Variants in CLVS1 observed in about 807,000 individuals in gnomAD.
CLVS1 encodes clavesin-1.
A neutral mutation model predicts 33.1 loss-of-function variants in CLVS1; 10 were observed. The ratio of observed to expected loss-of-function variants is 0.30; its 90% CI spans 0.19 to 0.51. CLVS1 has a LOEUF of 0.51. Ranked by LOEUF, CLVS1 falls within the 20% of genes least tolerant of loss-of-function variation. The probability of loss-of-function intolerance (pLI) is 0.97; values close to 1 mark genes in which losing one functional copy is unlikely to be tolerated. For missense variants in CLVS1, 343 were observed against 433.4 expected (o/e 0.79, Z 1.85); for synonymous variants, 163 against 166.1 (o/e 0.98, Z 0.14).
intron 2 of CLVS1, among the ~76,000 whole-genome samples, chr8:61,253,002 T>C (rs1396651184): frequency 6.6e-6 from 1 of 152,240 alleles, no homozygotes; most frequent in Non-Finnish European, 1.5e-5. Context: ...GTTGATGCAG[T>C]TTCTTCCTAG....
intron 2 of CLVS1, among the ~76,000 whole-genome samples, chr8:61,275,619 A>T (rs1809548224): frequency 6.6e-6 from 1 of 152,238 alleles, no homozygotes; most frequent in South Asian, 2.1e-4. Flanking sequence ...AGAATTTGAC[A>T]GAGCTAAGGG....
At chr8:61,255,956 A>AAT (rs1403355573) in intron 2 of CLVS1, among the ~76,000 whole-genome samples, 2 of 152,056 alleles carry the variant, frequency 1.3e-5, no homozygotes, top group Admixed American at 1.3e-4. Context: ...TATATGATAA[A>AAT]ATATATATAT....
At chr8:61,252,423 T>C (rs143245052) in intron 2 of CLVS1, among the ~76,000 whole-genome samples, 1 of 152,320 alleles carries the variant, frequency 6.6e-6, no homozygotes, top group East Asian at 1.9e-4. Flanking sequence ...TCTTCAGATG[T>C]CTATTAGGTC....
intron 1 of CLVS1, among the ~76,000 whole-genome samples, chr8:61,116,999 A>T (rs1359498485): frequency 7.0e-6 from 1 of 142,010 alleles, no homozygotes; most frequent in Non-Finnish European, 1.5e-5. Context: ...CTTCCTACCC[A>T]TGAGCATGGA....
At chr8:61,296,657 T>C (rs549700812) in intron 1 of CLVS1, among the ~76,000 whole-genome samples, 1 of 152,320 alleles carries the variant, frequency 6.6e-6, no homozygotes, top group East Asian at 1.9e-4. Context: ...CCACAACATC[T>C]CATTTAAGGA....
chr8:61,045,755 G>A, the CLVS1 span, among the ~76,000 whole-genome samples: 1 of 152,168 alleles, frequency 6.6e-6, no homozygotes, highest in South Asian at 2.1e-4. Context: ...TCTTGGAGGT[G>A]GCTGCTTCCA....
chr8:61,073,133 A>G lies in CLVS1; in HGVS notation c.-243+15903A>G, dbSNP rs961954877. 2.6e-5 allele frequency among the ~76,000 whole-genome samples: 4 copies of G among 152,172 alleles called. No homozygotes were observed. In the East Asian group the frequency reaches 7.7e-4, roughly 29 times the overall value. ...CTACACTCCTTCTAAGTTCTAGTTCATTTGCTAATTAAATGCTTGTCAAGT... is the reference window on the plus strand; with the variant it reads ...CTACACTCCTTCTAAGTTCTAGTTCGTTTGCTAATTAAATGCTTGTCAAGT... On this transcript the variant is annotated intron_variant, in intron 1 of 2. Transcript: ENST00000522621.
chr8:61,032,153 G>A, the CLVS1 span, among the ~76,000 whole-genome samples: 1 of 152,300 alleles, frequency 6.6e-6, no homozygotes, highest in South Asian at 2.1e-4. Context: ...CAGCACCAAC[G>A]ATAACCAAAC....
chr8:61,281,993 C>T (rs1053897074), intron 2 of CLVS1, among the ~76,000 whole-genome samples: 4 of 152,146 alleles, frequency 2.6e-5, no homozygotes, highest in African/African-American at 9.7e-5. Context: ...GAGAAAAGTG[C>T]CCATGGGTGT....
intron 3 of CLVS1, among the ~76,000 whole-genome samples, chr8:61,439,130 T>A (rs573620318): frequency 6.6e-6 from 1 of 152,340 alleles, no homozygotes; most frequent in South Asian, 2.1e-4. Context: ...CATGATCTTA[T>A]GAGTTTAAGC....
intron 5 of CLVS1, among the ~76,000 whole-genome samples, chr8:61,477,668 G>A (rs1204744251): frequency 6.6e-5 from 10 of 151,898 alleles, no homozygotes; most frequent in Non-Finnish European, 1.5e-4. Flanking sequence ...TTTTTATTGT[G>A]TCTATTTGAT....
At chr8:61,078,851 T>A (rs116808644) in intron 1 of CLVS1, among the ~76,000 whole-genome samples, 6,694 of 152,292 alleles carry the variant, frequency 0.044, 499 homozygotes, top group African/African-American at 0.15. Context: ...AATTCATTTT[T>A]AAATTAAATT....
the CLVS1 span, among the ~76,000 whole-genome samples, chr8:60,992,884 G>A: frequency 1.5e-4 from 23 of 152,224 alleles, no homozygotes; most frequent in African/African-American, 5.3e-4. Flanking sequence ...AGGGGAGGTG[G>A]TCTGGAGGGC....
At chr8:61,334,424 C>T (rs1393439268) in intron 2 of CLVS1, among the ~76,000 whole-genome samples, 2 of 152,200 alleles carry the variant, frequency 1.3e-5, no homozygotes, top group African/African-American at 4.8e-5. Context: ...AAGAGGGCCT[C>T]TGTGTCTTCT....
At chr8:61,383,304 A>C (rs927978581) in intron 3 of CLVS1, among the ~76,000 whole-genome samples, 1 of 152,210 alleles carries the variant, frequency 6.6e-6, no homozygotes, top group Admixed American at 6.5e-5. Flanking sequence ...TCCTTTCCCA[A>C]TGCCTTTGCA....
chr8:61,392,248 C>A (rs73682289), intron 3 of CLVS1, among the ~76,000 whole-genome samples: 1,531 of 152,074 alleles, frequency 0.01, 22 homozygotes, highest in African/African-American at 0.035. Flanking sequence ...AGGAGGATCT[C>A]TTGAGACAAG....
the CLVS1 span, among the ~76,000 whole-genome samples, chr8:61,032,727 G>T: frequency 3.3e-5 from 5 of 152,052 alleles, no homozygotes; most frequent in African/African-American, 1.2e-4. Flanking sequence ...GCAGGTAATA[G>T]GTAAAATAAT....
intron 3 of CLVS1, among the ~76,000 whole-genome samples, chr8:61,451,223 T>C (rs1213462260): frequency 6.6e-6 from 1 of 152,154 alleles, no homozygotes; most frequent in African/African-American, 2.4e-5. Context: ...TCCTGAATAA[T>C]AGAAAATAGT....
chr8:61,271,255 C>T (rs1243573998), intron 2 of CLVS1, among the ~76,000 whole-genome samples: 3 of 150,784 alleles, frequency 2.0e-5, no homozygotes, highest in Non-Finnish European at 4.4e-5. Flanking sequence ...TTTATTTCTG[C>T]CTTCATTTCG....
Sources: gnomAD v4.1 joint callset for allele counts (sites outside exome capture counted in the v4.1 genomes callset) on GRCh38, gnomAD v4.1.1 for gene constraint, MANE v1.5 for transcripts, NCBI Gene and HGNC (gene_info 2026-07-23, HGNC 2026-07-21) for gene names.